CD300C: variants seen among roughly 807,000 people sequenced by gnomAD.
CD300C encodes CMRF35-like molecule 6.
Under a neutral mutation model 18.4 loss-of-function variants are expected in CD300C, and 11 were observed. The observed-to-expected ratio is 0.60, with a 90% CI of 0.38 to 0.99. The LOEUF (loss-of-function observed/expected upper bound fraction) is 0.99, where lower values mean the gene tolerates loss of function less well. Ranked by LOEUF, CD300C falls within the 50% of genes least tolerant of loss-of-function variation. The pLI is 0.01. For missense variants in CD300C, 277 were observed against 287.4 expected, an observed-to-expected ratio of 0.96 and a Z score of 0.26; for synonymous variants, 116 against 116.3, an observed-to-expected ratio of 1.00 and a Z score of 0.02.
chr17:74,544,850 G>A lies in CD300C; in HGVS notation c.159C>T (p.Asn53=). The A allele has an allele frequency of 5.0e-6, 8 of 1,614,218 alleles. No individual in the cohort carries two copies. Among genetic ancestry groups the A allele is most frequent in the South Asian group, 2.2e-5 (2 of 91,080 alleles). ...CRYEKEHRTL[N]KFWCRPPQIL... The stretch of plus-strand genomic sequence containing the variant: ...TCTGTGGTGGTCTGCACCAGAATTT[G>A]TTGAGGGTCCTGTGTTCCTTCTCAT... The change falls in exon 2 of 4, where the codon AAC becomes AAT. Residue 53 remains asparagine, a synonymous_variant. Transcript: ENST00000330793.
At chr17:74,539,211 A>G (rs1908467651), downstream of CD300C, among the ~76,000 whole-genome samples, 1 of 152,076 alleles carries the variant, frequency 6.6e-6, no homozygotes, top group African/African-American at 2.4e-5. Flanking sequence ...TGACAGGGGA[A>G]TCTTGGTGGA....
downstream of CD300C, among the ~76,000 whole-genome samples, chr17:74,540,113 G>A (rs902706404): frequency 9.2e-5 from 14 of 152,116 alleles, no homozygotes; most frequent in African/African-American, 3.4e-4. Context: ...ATCCAGAGAG[G>A]GATCTGCTTC....
chr17:74,541,563 C>T lies in CD300C; in HGVS notation c.*26G>A, dbSNP rs1327327788. Reference sequence around the variant, plus strand: ...GTCCCCCAGAGGGGCTCTGTTGCAGCACAGGGCCTTGATGGACAGCAGATG... The same window carrying T: ...GTCCCCCAGAGGGGCTCTGTTGCAGTACAGGGCCTTGATGGACAGCAGATG... On this transcript the variant is annotated 3_prime_UTR_variant, in exon 4 of 4. Coordinates refer to ENST00000330793, the MANE Select transcript of CD300C (RefSeq NM_006678.5). The T allele has an allele frequency of 1.9e-6, 3 of 1,547,258 alleles. No individual in the cohort carries two copies. Among genetic ancestry groups the T allele is most frequent in the Non-Finnish European group, 2.7e-6 (3 of 1,119,228 alleles).
intron 3 of CD300C, 146 bp downstream of exon 3, chr17:74,542,715 C>A (rs747625226): frequency 2.1e-6 from 2 of 953,748 alleles, no homozygotes; most frequent in Admixed American, 2.6e-5. Flanking sequence ...CCAAAAGGAG[C>A]GCCTGACACT....
downstream of CD300C, among the ~76,000 whole-genome samples, chr17:74,536,204 G>T (rs1392182545): frequency 6.6e-6 from 1 of 152,154 alleles, no homozygotes; most frequent in Admixed American, 6.5e-5. Context: ...GTACATTAAA[G>T]TGAAAATCCT....
At chr17:74,543,577 A>G (rs910078743) in intron 2 of CD300C, among the ~76,000 whole-genome samples, 1 of 152,164 alleles carries the variant, frequency 6.6e-6, no homozygotes, top group Non-Finnish European at 1.5e-5. Flanking sequence ...ACAGCTGGAT[A>G]AGGGCCCTTT....
chr17:74,544,718 C>T lies in CD300C; in HGVS notation c.291G>A (p.Leu97=). Residue 97 remains leucine, a synonymous_variant, in exon 2 of 4, where the codon CTG becomes CTA. Transcript: ENST00000330793. The part of the protein sequence containing the change: ...SPANLSFTVT[L]ENLTEEDAGT... ...CTGCGTCCTCCTCTGTGAGATTCTC[C>T]AGGGTCACTGTGAAGCTGAGGTTTG... 8 of 1,614,240 alleles carry T rather than the reference C, an allele frequency of 5.0e-6. No individual in the cohort carries two copies. The highest frequency in any genetic ancestry group is 6.8e-6 in the Non-Finnish European group (8 of 1,180,046).
intron 3 of CD300C, among the ~76,000 whole-genome samples, chr17:74,542,162 C>T (rs185588830): frequency 1.3e-5 from 2 of 152,318 alleles, no homozygotes; most frequent in East Asian, 3.9e-4. Context: ...GCTGCCTACC[C>T]GGAGTCTCCA....
chr17:74,537,485 C>A (rs148419082), downstream of CD300C, among the ~76,000 whole-genome samples: 3 of 151,918 alleles, frequency 2.0e-5, no homozygotes, highest in African/African-American at 4.8e-5. Flanking sequence ...AAAATTTAGC[C>A]GGACATGGTG....
chr17:74,546,028 T>C lies in CD300C; in HGVS notation c.-246A>G, dbSNP rs1598141241. On this transcript the variant is annotated 5_prime_UTR_variant, in exon 1 of 4. Coordinates refer to ENST00000330793, the MANE Select transcript of CD300C (RefSeq NM_006678.5). ...CTAGTGGCTCCTCTCAACCCTGACG[T>C]CTGGCAAAGTCCAGGGTCCCTTGGG... is the stretch of plus-strand genomic sequence containing the variant. 1.0e-5 allele frequency: 5 copies of C among 484,968 alleles called. No individual in the cohort carries two copies. The highest frequency in any genetic ancestry group is 1.9e-5 in the Non-Finnish European group (5 of 266,102). 30.0% of individuals were successfully genotyped at this position (484,968 alleles called of 1,614,324 possible).
chr17:74,538,839 T>C (rs1388632814), downstream of CD300C, among the ~76,000 whole-genome samples: 1 of 152,230 alleles, frequency 6.6e-6, no homozygotes, highest in Non-Finnish European at 1.5e-5. Flanking sequence ...CAAACATCTA[T>C]CTGTAAAATT....
At position 74,544,757 on chromosome 17, in the gene CD300C, G is replaced by A. The variant is rs1908691129; in HGVS notation, c.252C>T (p.Ile84=). Residue 84 remains isoleucine, a synonymous_variant, in exon 2 of 4, where the codon ATC becomes ATT. Coordinates refer to ENST00000330793, the MANE Select transcript of CD300C (RefSeq NM_006678.5). ...AGCTGAGGTTTGCAGGACTGTCCCT[G>A]ATGGACACTCGGCCATTCCTTTTCC... The part of the protein sequence containing the change: ...SAGKRNGRVS[I]RDSPANLSFT... 1 of 1,614,142 alleles carries A rather than the reference G, an allele frequency of 6.2e-7. No homozygotes were observed. Among genetic ancestry groups the A allele is most frequent in the South Asian group, 1.1e-5 (1 of 91,088 alleles).
Position 74,541,269 on chromosome 17 carries a change from G to A in CD300C, c.*320C>T, listed in dbSNP as rs928101290. On this transcript the variant is annotated 3_prime_UTR_variant, in exon 4 of 4. Transcript: ENST00000330793. ...TAGACCTGCTTCTCCCTGTGAAAAC[G>A]GTGGAGGAAGCAGTGCCAGGCTCCT... is the stretch of plus-strand genomic sequence containing the variant. 10 of 284,302 alleles carry A rather than the reference G, an allele frequency of 3.5e-5. No individual in the cohort carries two copies. Among genetic ancestry groups the A allele is most frequent in the South Asian group, 1.4e-4 (3 of 21,466 alleles). 17.6% of individuals were successfully genotyped at this position (284,302 alleles called of 1,614,324 possible). A position where few individuals can be genotyped will look rare whatever the true frequency, so the allele number is the denominator to read the frequency against.
chr17:74,545,076 C>T, intron 1 of CD300C, 129 bp from the exon 2 acceptor site: 1 of 830,418 alleles, frequency 1.2e-6, no homozygotes, highest in Non-Finnish European at 1.9e-6. Context: ...TTTGTCCACC[C>T]AGGAACAGGG....
chr17:74,536,050 G>T, the CD300C span, among the ~76,000 whole-genome samples: 1 of 152,116 alleles, frequency 6.6e-6, no homozygotes, highest in Admixed American at 6.5e-5. Context: ...AAATCATTTA[G>T]AAATGGGTCA....
At position 74,543,505 on chromosome 17, in the gene CD300C, C is replaced by T. The variant is rs146689133; in HGVS notation, c.401-518G>A. Among the ~76,000 whole-genome samples the T allele has an allele frequency of 1.1e-3, 172 of 152,286 alleles. 1 individual carries two copies. Among genetic ancestry groups the T allele is most frequent in the African/African-American group, 4.0e-3 (165 of 41,556 alleles). ...CCATCCTCTCAGCAGGAGGGAATGC[C>T]CAGGAAGAAAGATCTAGAGAGGGGA... On this transcript the variant is annotated intron_variant, in intron 2 of 3. Transcript: ENST00000330793.
Position 74,544,744 on chromosome 17 carries a change from C to T in CD300C, c.265G>A (p.Ala89Thr), listed in dbSNP as rs776352764. The change falls in exon 2 of 4, where the codon GCA (alanine) becomes ACA (threonine). Residue 89 changes from alanine (A) to threonine (T), a missense_variant. Transcript: ENST00000330793. ...AGGGTCACTGTGAAGCTGAGGTTTG[C>T]AGGACTGTCCCTGATGGACACTCGG... ...NGRVSIRDSP[A>T]NLSFTVTLEN... 3.7e-6 allele frequency: 6 copies of T among 1,614,128 alleles called. No individual in the cohort carries two copies. Among genetic ancestry groups the T allele is most frequent in the Admixed American group, 1.7e-5 (1 of 60,014 alleles).
chr17:74,541,694 C>T lies in CD300C; in HGVS notation c.570G>A (p.Leu190=). The change falls in exon 4 of 4, where the codon TTG becomes TTA. Residue 190 remains leucine, a synonymous_variant. Coordinates refer to ENST00000330793, the MANE Select transcript of CD300C (RefSeq NM_006678.5). ...SNVRFLLLVL[L]ELPLLLSMLG... ...GCATGCTCAGGAGCAGGGGCAGCTC[C>T]AAGAGGACCAGGAGCAGGAAGCGGA... 1 of 1,613,922 alleles carries T rather than the reference C, an allele frequency of 6.2e-7. No homozygotes were observed. The highest frequency in any genetic ancestry group is 1.1e-5 in the South Asian group (1 of 91,074).
intron 1 of CD300C, among the ~76,000 whole-genome samples, chr17:74,545,286 CTGTG>C (rs1244541403): frequency 6.8e-6 from 1 of 146,928 alleles, no homozygotes; most frequent in Non-Finnish European, 1.5e-5. Context: ...GCATGTGTGA[CTGTG>C]TGTGCATGTG....
Sources: gnomAD v4.1 joint callset for allele counts (sites outside exome capture counted in the v4.1 genomes callset) on GRCh38, gnomAD v4.1.1 for gene constraint, MANE v1.5 for transcripts, NCBI Gene and HGNC (gene_info 2026-07-23, HGNC 2026-07-21) for gene names.